DHX40: variants seen among roughly 807,000 people sequenced by gnomAD.
DHX40 encodes probable ATP-dependent RNA helicase DHX40.
Under a neutral mutation model 89.6 loss-of-function variants are expected in DHX40, and 28 were observed. The ratio of observed to expected loss-of-function variants is 0.31; its 90% confidence interval spans 0.23 to 0.43. The LOEUF is 0.43. DHX40 is among the 20% of genes least tolerant of loss of function. The pLI is 1.00. For synonymous variants in DHX40, 226 were observed against 283.6 expected (o/e 0.80, Z 2.04); for missense variants, 457 against 844.0 (o/e 0.54, Z 5.68).
intron 12 of DHX40, among the ~76,000 whole-genome samples, chr17:59,596,672 G>A (rs1234430908): frequency 2.6e-5 from 4 of 152,168 alleles, no homozygotes; most frequent in South Asian, 2.1e-4. Context: ...ATGTTTGTAT[G>A]GTCTGAGATA....
At chr17:59,599,867 A>G (rs1426118691) in intron 14 of DHX40, among the ~76,000 whole-genome samples, 3 of 142,924 alleles carry the variant, frequency 2.1e-5, no homozygotes, top group Non-Finnish European at 4.5e-5. Flanking sequence ...TCTGTCACCC[A>G]GGCTGAAGTG....
intron 8 of DHX40, 87 bp downstream of exon 8, chr17:59,577,452 C>T: frequency 3.0e-6 from 3 of 989,276 alleles, no homozygotes; most frequent in South Asian, 2.8e-5. Context: ...CTTTTCTGTG[C>T]CCTCCACTAA....
At position 59,605,515 on chromosome 17, in the gene DHX40, G is replaced by C; in HGVS notation, c.2041G>C (p.Ala681Pro). ...GGTATTGGTTACCACCAAAGTCTAC[G>C]CAAGAATTGTATGCCCAATCCGTTA... ...HEVLVTTKVY[A>P]RIVCPIRYEW... The change falls in exon 17 of 18, where the codon GCA becomes CCA. Residue 681 changes from alanine to proline, a missense_variant. Coordinates refer to ENST00000251241, the MANE Select transcript of DHX40 (RefSeq NM_024612.5). The C allele has an allele frequency of 6.2e-7, 1 of 1,614,104 alleles. No individual in the cohort carries two copies. The highest frequency in any genetic ancestry group is 8.5e-7 in the Non-Finnish European group (1 of 1,180,010).
intron 1 of DHX40, 85 bp from the exon 2 acceptor site, chr17:59,566,542 T>C: frequency 7.5e-7 from 1 of 1,330,586 alleles, no homozygotes; most frequent in Non-Finnish European, 1.0e-6. Flanking sequence ...TAAAATTCTA[T>C]TGCCTTTCTG....
intron 15 of DHX40, chr17:59,604,279 G>A (rs1190407011): frequency 6.6e-6 from 1 of 152,026 alleles, no homozygotes; most frequent in Non-Finnish European, 1.5e-5. Flanking sequence ...AAATGATTCA[G>A]GTAAAAATTT....
At chr17:59,577,243 T>G in intron 7 of DHX40, 23 bp from the exon 8 acceptor site, 1 of 1,590,852 alleles carries the variant, frequency 6.3e-7, no homozygotes, top group Non-Finnish European at 8.6e-7. Flanking sequence ...TAAATTGGTA[T>G]TTTCTTTTTA....
chr17:59,572,024 A>G (rs968259382), intron 3 of DHX40, among the ~76,000 whole-genome samples: 4 of 152,212 alleles, frequency 2.6e-5, no homozygotes, highest in Non-Finnish European at 2.9e-5. Context: ...TCTTGAAGTC[A>G]ATGGAAAGCT....
At position 59,566,079 on chromosome 17, in the gene DHX40, C is replaced by G. The variant is rs569783318; in HGVS notation, c.112+296C>G. Among the ~76,000 whole-genome samples the G allele has an allele frequency of 4.8e-4, 73 of 152,284 alleles. 1 individual carries two copies. Among genetic ancestry groups the G allele is most frequent in the African/African-American group, 1.6e-3 (68 of 41,566 alleles). On this transcript the variant is annotated intron_variant, in intron 1 of 17. Transcript: ENST00000251241. ...ATAGACCCTTTGTTCTCTACCCATT[C>G]ATCCCCCCCACCCTTCGTCGGGCCG...
At chr17:59,604,851 C>T (rs2143374391) in intron 15 of DHX40, 2 of 346,930 alleles carry the variant, frequency 5.8e-6, no homozygotes, top group Non-Finnish European at 1.1e-5. Context: ...TCTCAAAGCT[C>T]ATAGATTATT....
At chr17:59,583,656 G>A (rs1445427943) in intron 10 of DHX40, among the ~76,000 whole-genome samples, 1 of 137,088 alleles carries the variant, frequency 7.3e-6, no homozygotes, top group African/African-American at 2.5e-5. Flanking sequence ...CACAGTGGGC[G>A]GATTGCGAGG....
chr17:59,580,828 T>C (rs1009738054), intron 10 of DHX40, among the ~76,000 whole-genome samples: 2 of 150,828 alleles, frequency 1.3e-5, no homozygotes, highest in Non-Finnish European at 2.9e-5. Context: ...ACGTCTGTAA[T>C]CCTAGCACTT....
At chr17:59,606,179 G>A (rs968992858) in intron 17 of DHX40, among the ~76,000 whole-genome samples, 15 of 151,838 alleles carry the variant, frequency 9.9e-5, no homozygotes, top group African/African-American at 3.1e-4. Flanking sequence ...CTGAGTAGCT[G>A]GATTACAGGC....
chr17:59,606,965 TTCTC>T lies in DHX40; in HGVS notation c.2201-66_2201-63del, dbSNP rs369251433. ...AACACTGAAAAATCAGGGCTTCTCT[TTCTC>T]TTAACATTTCTAGTACTGAATCTCA... is the stretch of plus-strand genomic sequence containing the variant. On this transcript the variant is annotated intron_variant, in intron 17 of 17. Transcript: ENST00000251241. The T allele has an allele frequency of 1.4e-4, 194 of 1,411,842 alleles. No individual in the cohort carries two copies. In the African/African-American group the frequency reaches 2.6e-3, roughly 19 times the overall value. 87.5% of individuals were successfully genotyped at this position (1,411,842 alleles called of 1,614,324 possible).
intron 2 of DHX40, among the ~76,000 whole-genome samples, chr17:59,570,211 TTATATATTAA>T (rs2048783294): frequency 8.1e-6 from 1 of 122,912 alleles, no homozygotes; most frequent in East Asian, 2.0e-4. Context: ...ATAATATATA[TTATATATTAA>T]ATATATATTA....
chr17:59,599,130 T>A (rs55943270), intron 13 of DHX40, among the ~76,000 whole-genome samples: 17,999 of 151,930 alleles, frequency 0.12, 1,368 homozygotes, highest in Non-Finnish European at 0.18. Flanking sequence ...TGATTGGATA[T>A]TTGTTATTGC....
chr17:59,576,681 T>A (rs2048886096), intron 7 of DHX40, among the ~76,000 whole-genome samples: 1 of 152,212 alleles, frequency 6.6e-6, no homozygotes, highest in African/African-American at 2.4e-5. Context: ...CATTGTTTTC[T>A]CAAGATTTGG....
rs553293265 is a variant in DHX40, at chr17:59,595,975, A to G, written c.1583-2762A>G. On this transcript the variant is annotated intron_variant, in intron 12 of 17. Coordinates refer to ENST00000251241, the MANE Select transcript of DHX40 (RefSeq NM_024612.5). Reference sequence around the variant, plus strand: ...CATACAACTGAGTTTTTGCTTATACAGTCTTTAATTTCTTTTAATTCCTGT... The same window carrying G: ...CATACAACTGAGTTTTTGCTTATACGGTCTTTAATTTCTTTTAATTCCTGT... 5.9e-5 allele frequency among the ~76,000 whole-genome samples: 9 copies of G among 152,272 alleles called. No individual in the cohort carries two copies. In the East Asian group the frequency reaches 1.7e-3, roughly 29 times the overall value.
chr17:59,591,645 T>G lies in DHX40; in HGVS notation c.1582+3592T>G, dbSNP rs551720195. Among the ~76,000 whole-genome samples the G allele has an allele frequency of 4.2e-4, 64 of 151,532 alleles. 1 individual carries two copies. Among genetic ancestry groups the G allele is most frequent in the Non-Finnish European group, 8.9e-4 (60 of 67,704 alleles). ...TAAGAATAGCAAAGGAATTCCTTTA[T>G]ACCTTCTATGCAGTTTCCGCAATTT... On this transcript the variant is annotated intron_variant, in intron 12 of 17. Coordinates refer to ENST00000251241, the MANE Select transcript of DHX40 (RefSeq NM_024612.5).
chr17:59,605,283 C>T, intron 16 of DHX40, 99 bp downstream of exon 16: 3 of 1,320,248 alleles, frequency 2.3e-6, no homozygotes, highest in Non-Finnish European at 3.2e-6. Flanking sequence ...GTTAAATTTA[C>T]ATATATCTAT....
Sources: allele counts gnomAD v4.1 joint callset (sites outside exome capture counted in the v4.1 genomes callset), GRCh38; gene constraint gnomAD v4.1.1; transcripts MANE v1.5; gene names NCBI Gene and HGNC (gene_info 2026-07-23, HGNC 2026-07-21).